SSBP3: variants seen among roughly 807,000 people sequenced by gnomAD.
SSBP3 encodes single stranded DNA binding protein 3, also known as single-stranded DNA-binding protein 3.
SSBP3 carries 5 observed loss-of-function variants against 69.6 expected under a neutral mutation model. That is an observed-to-expected ratio of 0.07 (90% confidence interval 0.04 to 0.15). The LOEUF (loss-of-function observed/expected upper bound fraction) is 0.15. Among genes scored for constraint, SSBP3 ranks in the 10% least tolerant of loss-of-function variants. The pLI is 1.00. For missense variants in SSBP3, 312 were observed against 534.0 expected (o/e 0.58, Z 4.10); for synonymous variants, 196 against 193.4 (o/e 1.01, Z -0.11).
intron 17 of SSBP3, 25 bp from the exon 18 acceptor site, chr1:54,227,185 G>T (rs59695718): frequency 7.5e-6 from 9 of 1,193,938 alleles, no homozygotes; most frequent in African/African-American, 3.2e-5. Context: ...CAGAGAAGGG[G>T]GGGGGGTGAG....
Position 54,258,715 on chromosome 1 carries a change from C to A in SSBP3, c.367-566G>T, listed in dbSNP as rs1570282951. 6.6e-6 allele frequency among the ~76,000 whole-genome samples: 1 copy of A among 152,192 alleles called. No individual in the cohort carries two copies. Among genetic ancestry groups the A allele is most frequent in the Non-Finnish European group, 1.5e-5 (1 of 68,002 alleles). ...GGGGCAGGAGGGCCGGGGGCACCGA[C>A]AGATAAACAACAGAGGCAAGAGGAG... On this transcript the variant is annotated intron_variant, in intron 5 of 17. Transcript: ENST00000610401. This position sits in a 1 kb window ranked among gnomAD's most constrained non-coding sequence, Gnocchi z 4.5.
At chr1:54,313,756 G>C (rs955340291) in intron 4 of SSBP3, among the ~76,000 whole-genome samples, 5 of 151,914 alleles carry the variant, frequency 3.3e-5, no homozygotes, top group African/African-American at 1.2e-4. Context: ...TAAGGAGGGA[G>C]ACTAGGATTT....
chr1:54,277,888 C>T (rs969287722), intron 5 of SSBP3, among the ~76,000 whole-genome samples: 1 of 152,090 alleles, frequency 6.6e-6, no homozygotes, highest in Non-Finnish European at 1.5e-5. Flanking sequence ...CAAAGCCAAG[C>T]TGGGTTTGCC....
intron 4 of SSBP3, among the ~76,000 whole-genome samples, chr1:54,401,377 A>AACACAC (rs140889770): frequency 2.7e-5 from 4 of 146,976 alleles, no homozygotes; most frequent in African/African-American, 1.0e-4. Flanking sequence ...ACCCACACCA[A>AACACAC]ACACACACAC....
intron 4 of SSBP3, among the ~76,000 whole-genome samples, chr1:54,329,187 T>C (rs774603086): frequency 2.8e-5 from 4 of 140,968 alleles, no homozygotes; most frequent in Non-Finnish European, 3.0e-5. Context: ...AAGAGGTGGA[T>C]AGACCATCAA....
intron 5 of SSBP3, among the ~76,000 whole-genome samples, chr1:54,278,186 T>C (rs552505507): frequency 6.6e-6 from 1 of 152,234 alleles, no homozygotes; most frequent in South Asian, 2.1e-4. Context: ...TGTTAGGCCC[T>C]CCCTGATCAG....
At chr1:54,279,302 TCTTGG>T (rs1333725149) in intron 5 of SSBP3, among the ~76,000 whole-genome samples, 1 of 152,084 alleles carries the variant, frequency 6.6e-6, no homozygotes, top group Admixed American at 6.5e-5. Context: ...CAGGAATCAG[TCTTGG>T]CTTTCTGACC....
intron 4 of SSBP3, among the ~76,000 whole-genome samples, chr1:54,313,547 G>C (rs905114982): frequency 2.9e-4 from 42 of 144,052 alleles, no homozygotes; most frequent in Middle Eastern, 3.5e-3. Context: ...TCAGCCTCCC[G>C]AGTAGCTATG....
chr1:54,337,484 G>GTTTTTTT (rs1203018944), intron 4 of SSBP3, among the ~76,000 whole-genome samples: 2 of 78,902 alleles, frequency 2.5e-5, no homozygotes, highest in African/African-American at 1.3e-4. Context: ...TTTTCCTCAA[G>GTTTTTTT]CTTTTTTTTT....
At chr1:54,404,684 G>T in intron 2 of SSBP3, 47 bp from the exon 3 acceptor site, 1 of 1,607,194 alleles carries the variant, frequency 6.2e-7, no homozygotes, top group Non-Finnish European at 8.5e-7. Flanking sequence ...GAGACGGGGT[G>T]GGCTGGGGGC....
chr1:54,351,678 G>A (rs754853498), intron 4 of SSBP3, among the ~76,000 whole-genome samples: 3 of 152,118 alleles, frequency 2.0e-5, no homozygotes, highest in Admixed American at 6.5e-5. Flanking sequence ...CCTAAGACAG[G>A]GTTCCTCAAC....
At chr1:54,269,587 T>C (rs1645158612) in intron 5 of SSBP3, among the ~76,000 whole-genome samples, 1 of 152,238 alleles carries the variant, frequency 6.6e-6, no homozygotes, top group Admixed American at 6.5e-5. Context: ...GACATAACTT[T>C]TTTGACCTTG....
At chr1:54,274,979 C>T (rs896101421) in intron 5 of SSBP3, among the ~76,000 whole-genome samples, 2 of 152,154 alleles carry the variant, frequency 1.3e-5, no homozygotes, top group Non-Finnish European at 2.9e-5. Context: ...CAAATGTCAC[C>T]CCCTCGGAGA....
intron 13 of SSBP3, among the ~76,000 whole-genome samples, chr1:54,240,500 T>G (rs1570231053): frequency 7.9e-6 from 1 of 126,166 alleles, no homozygotes; most frequent in Non-Finnish European, 1.7e-5. Context: ...GGAGAAGGGA[T>G]CTCCTATATA....
intron 14 of SSBP3, among the ~76,000 whole-genome samples, chr1:54,235,599 C>T (rs1183614337): frequency 6.6e-6 from 1 of 151,668 alleles, no homozygotes; most frequent in Non-Finnish European, 1.5e-5. Context: ...ATTACAGGCA[C>T]CAGCCACCAC....
intron 4 of SSBP3, among the ~76,000 whole-genome samples, chr1:54,338,011 C>A (rs571540479): frequency 1.3e-5 from 2 of 152,214 alleles, no homozygotes; most frequent in East Asian, 3.9e-4. Context: ...AGTCCCAGGC[C>A]GACTGAGAAA....
chr1:54,269,208 T>C (rs1481435687), intron 5 of SSBP3, among the ~76,000 whole-genome samples: 1 of 152,128 alleles, frequency 6.6e-6, no homozygotes, highest in Admixed American at 6.5e-5. Flanking sequence ...TCTGAGCTGC[T>C]CTTGGGGTTG....
chr1:54,257,347 G>T, intron 6 of SSBP3, 161 bp from the exon 7 acceptor site: 1 of 577,302 alleles, frequency 1.7e-6, no homozygotes, highest in Non-Finnish European at 2.9e-6. Context: ...CTTCCTTTGG[G>T]CAGAGGGAAC....
At chr1:54,299,014 A>C (rs1313249413) in intron 4 of SSBP3, among the ~76,000 whole-genome samples, 1 of 150,916 alleles carries the variant, frequency 6.6e-6, no homozygotes, top group Non-Finnish European at 1.5e-5. Context: ...AGATACAAAC[A>C]CTCACAAGGA....
Sources: gnomAD v4.1 joint callset for allele counts (sites outside exome capture counted in the v4.1 genomes callset) on GRCh38, gnomAD v4.1.1 for gene constraint, Gnocchi (gnomAD v3.1) non-coding constraint, MANE v1.5 for transcripts, NCBI Gene and HGNC (gene_info 2026-07-23, HGNC 2026-07-21) for gene names.